The following DCAF8L2 variants were observed in gnomAD, a reference collection of about 807,000 sequenced individuals.
The protein encoded by DCAF8L2 is DDB1- and CUL4-associated factor 8-like protein 2.
For synonymous variants in DCAF8L2, 200 were observed against 190.9 expected (o/e 1.05, Z -0.39); for missense variants, 430 against 490.7 (o/e 0.88, Z 1.17).
chrX:27,515,873 A>C, the DCAF8L2 span, among the ~76,000 whole-genome samples: 1 of 112,039 alleles, frequency 8.9e-6, no homozygotes, highest in Non-Finnish European at 1.9e-5. Context: ...AGGATTCTGA[A>C]GCATGTGCAC....
chrX:27,521,288 T>C, the DCAF8L2 span, among the ~76,000 whole-genome samples: 1 of 112,196 alleles, frequency 8.9e-6, no homozygotes, highest in South Asian at 3.7e-4. Context: ...TAAAATAAAT[T>C]TGGTTGTACT....
At chrX:27,637,672 A>C (rs1432624185) in intron 2 of DCAF8L2, among the ~76,000 whole-genome samples, 1 of 112,303 alleles carries the variant, frequency 8.9e-6, no homozygotes, top group Non-Finnish European at 1.9e-5. Flanking sequence ...AGCTTACAAA[A>C]ATCTGTAAAA....
chrX:27,569,272 T>A, the DCAF8L2 span, among the ~76,000 whole-genome samples: 3 of 111,659 alleles, frequency 2.7e-5, no homozygotes, highest in East Asian at 2.8e-4. Flanking sequence ...CTCTCAGATA[T>A]CTTTCAGGCT....
chrX:27,643,624 G>C (rs1436888734), intron 2 of DCAF8L2, among the ~76,000 whole-genome samples: 1 of 111,566 alleles, frequency 9.0e-6, no homozygotes, highest in Admixed American at 9.6e-5. Context: ...ATTCAAAAGA[G>C]TAAAACATAA....
At chrX:27,473,819 G>A in the DCAF8L2 span, among the ~76,000 whole-genome samples, 1 of 111,339 alleles carries the variant, frequency 9.0e-6, no homozygotes, top group African/African-American at 3.3e-5. Flanking sequence ...GTTGCCTTCA[G>A]AAATATTAGC....
intron 4 of DCAF8L2, among the ~76,000 whole-genome samples, chrX:27,740,187 T>A (rs1404021065): frequency 1.8e-5 from 2 of 112,067 alleles, no homozygotes; most frequent in African/African-American, 3.2e-5. Flanking sequence ...ATTACCCAAC[T>A]GGTATGTGTT....
At chrX:27,538,817 A>G in the DCAF8L2 span, among the ~76,000 whole-genome samples, 2 of 112,266 alleles carry the variant, frequency 1.8e-5, no homozygotes, top group African/African-American at 6.5e-5. Context: ...TAGACTTGAC[A>G]GAGAGAAGAG....
chrX:27,514,890 G>C, the DCAF8L2 span, among the ~76,000 whole-genome samples: 1 of 110,457 alleles, frequency 9.1e-6, no homozygotes, highest in Non-Finnish European at 1.9e-5. Flanking sequence ...GAGGAGGGTA[G>C]AAAGGAGAGG....
At chrX:27,482,770 T>C in the DCAF8L2 span, among the ~76,000 whole-genome samples, 4 of 111,570 alleles carry the variant, frequency 3.6e-5, no homozygotes, top group Non-Finnish European at 7.5e-5. Context: ...ATTCACGTCA[T>C]TTTCACCTCA....
At chrX:27,618,312 T>C (rs1189327355) in intron 1 of DCAF8L2, among the ~76,000 whole-genome samples, 26 of 111,055 alleles carry the variant, frequency 2.3e-4, no homozygotes, top group Non-Finnish European at 4.9e-4. Flanking sequence ...CAGGAAGAAA[T>C]GCTGCATGGG....
the DCAF8L2 span, among the ~76,000 whole-genome samples, chrX:27,556,767 G>A: frequency 8.9e-6 from 1 of 112,133 alleles, no homozygotes; most frequent in South Asian, 3.7e-4. Context: ...ATGCAGCCAG[G>A]AAAATAACAT....
At chrX:27,626,292 A>G (rs1481791808) in intron 1 of DCAF8L2, among the ~76,000 whole-genome samples, 1 of 111,943 alleles carries the variant, frequency 8.9e-6, no homozygotes, top group Non-Finnish European at 1.9e-5. Flanking sequence ...CAGAATTGCT[A>G]TACACACTGA....
At chrX:27,522,173 G>A in the DCAF8L2 span, among the ~76,000 whole-genome samples, 7 of 111,492 alleles carry the variant, frequency 6.3e-5, no homozygotes, top group African/African-American at 2.3e-4. Flanking sequence ...GATTACAGGC[G>A]TGAACCACCA....
chrX:27,538,616 AC>A, the DCAF8L2 span, among the ~76,000 whole-genome samples: 1 of 109,651 alleles, frequency 9.1e-6, no homozygotes, highest in Non-Finnish European at 1.9e-5. Context: ...CTGGTCTCAA[AC>A]TCCTGACCTC....
intron 1 of DCAF8L2, among the ~76,000 whole-genome samples, chrX:27,615,807 C>T (rs187872281): frequency 5.8e-4 from 65 of 111,241 alleles, no homozygotes; most frequent in African/African-American, 1.8e-3. Flanking sequence ...ATTCAAAGAT[C>T]TACAATGTCA....
chrX:27,704,154 G>GTATATA (rs34605340), intron 3 of DCAF8L2, among the ~76,000 whole-genome samples: 4,016 of 75,953 alleles, frequency 0.053, 174 homozygotes, highest in Middle Eastern at 0.081. Context: ...TAGTGCTGCA[G>GTATATA]TATATATATA....
intron 2 of DCAF8L2, among the ~76,000 whole-genome samples, chrX:27,634,718 C>G (rs909854167): frequency 1.8e-5 from 2 of 110,815 alleles, no homozygotes; most frequent in African/African-American, 3.3e-5. Flanking sequence ...GGTGATGGAT[C>G]ACAGTGAAAA....
chrX:27,527,400 C>T, the DCAF8L2 span, among the ~76,000 whole-genome samples: 3 of 111,406 alleles, frequency 2.7e-5, no homozygotes, highest in Non-Finnish European at 3.8e-5. Context: ...GGGAGTGACC[C>T]GATTTTCCAG....
chrX:27,599,956 C>T (rs1384717328), intron 1 of DCAF8L2, among the ~76,000 whole-genome samples: 1 of 111,730 alleles, frequency 9.0e-6, no homozygotes, highest in African/African-American at 3.2e-5. Context: ...AAAGAAAAAT[C>T]CAAGTTTAAA....
Sources: gnomAD v4.1 joint callset for allele counts (sites outside exome capture counted in the v4.1 genomes callset) on GRCh38, gnomAD v4.1.1 for gene constraint, MANE v1.5 for transcripts, NCBI Gene and HGNC (gene_info 2026-07-23, HGNC 2026-07-21) for gene names.